The following AOPEP variants were observed in gnomAD, a reference collection of about 807,000 sequenced individuals.
The protein encoded by AOPEP is aminopeptidase O (putative).
In AOPEP, 77 loss-of-function variants were observed where a neutral mutation model predicts 98.1. That is an observed-to-expected ratio of 0.78 (90% CI 0.65 to 0.95). AOPEP has a LOEUF of 0.95. Ranked by LOEUF, AOPEP falls within the 40% of genes least tolerant of loss-of-function variation. The probability of loss-of-function intolerance (pLI) is 0.00; values close to 1 mark genes in which losing one functional copy is unlikely to be tolerated. For synonymous variants in AOPEP, 346 were observed against 365.3 expected (o/e 0.95, Z 0.60); for missense variants, 1,024 against 1,024.7 (o/e 1.00, Z 0.01).
chr9:95,007,388 T>TGG (rs5899241), intron 13 of AOPEP, among the ~76,000 whole-genome samples: 3 of 146,710 alleles, frequency 2.0e-5, no homozygotes, highest in African/African-American at 7.7e-5. Context: ...GGGGAGAAAG[T>TGG]GGGGGGGGGA....
chr9:95,100,637 A>T, the AOPEP span: 1 of 229,172 alleles, frequency 4.4e-6, no homozygotes. Flanking sequence ...TACACTAACA[A>T]TGCCTTTTTT....
At chr9:95,018,083 A>G (rs956575904) in intron 13 of AOPEP, among the ~76,000 whole-genome samples, 5 of 152,208 alleles carry the variant, frequency 3.3e-5, no homozygotes, top group African/African-American at 9.6e-5. Flanking sequence ...TGAATAACCC[A>G]TCTGTGGACA....
intron 2 of AOPEP, among the ~76,000 whole-genome samples, chr9:94,765,880 G>T (rs769251423): frequency 1.3e-5 from 2 of 152,124 alleles, no homozygotes; most frequent in Non-Finnish European, 2.9e-5. Flanking sequence ...AATGCTTCTT[G>T]CCTGTATCAT....
intron 13 of AOPEP, among the ~76,000 whole-genome samples, chr9:95,020,402 C>T (rs1450705330): frequency 1.3e-5 from 2 of 152,126 alleles, no homozygotes; most frequent in Non-Finnish European, 2.9e-5. Flanking sequence ...AGGACTTTTC[C>T]ATTTGGGCTA....
At chr9:95,121,191 C>T in the AOPEP span, among the ~76,000 whole-genome samples, 1 of 152,180 alleles carries the variant, frequency 6.6e-6, no homozygotes, top group Non-Finnish European at 1.5e-5. Context: ...ATGGCTGCAA[C>T]CAGAAACTGA....
At chr9:94,944,031 C>G (rs1564424383) in intron 7 of AOPEP, among the ~76,000 whole-genome samples, 1 of 150,622 alleles carries the variant, frequency 6.6e-6, no homozygotes, top group Non-Finnish European at 1.5e-5. Context: ...TATTGGCTAT[C>G]AGGAAATACA....
rs79735416 is a variant in AOPEP, at chr9:94,933,752, T to A, written c.1661+5221T>A. 2.4e-3 allele frequency: 2,047 copies of A among 837,292 alleles called. 38 individuals are homozygous for A. The African/African-American group carries it at 0.036, about 15-fold the overall frequency. 51.9% of individuals were successfully genotyped at this position (837,292 alleles called of 1,614,324 possible). A position where few individuals can be genotyped will look rare whatever the true frequency, so the allele number is the denominator to read the frequency against. On this transcript the variant is annotated intron_variant, in intron 7 of 16. Transcript: ENST00000375315. The stretch of plus-strand genomic sequence containing the variant: ...TTTTTTTATTTTTATTTATTTTTTT[T>A]AATTTTTTTTTTTGAGACAGAGTGT...
At chr9:94,806,582 T>A (rs1460793855) in intron 5 of AOPEP, among the ~76,000 whole-genome samples, 1 of 152,250 alleles carries the variant, frequency 6.6e-6, no homozygotes, top group Non-Finnish European at 1.5e-5. Context: ...TTCTTTGTGT[T>A]CACTTTCTCC....
chr9:95,043,399 G>C (rs2065539580), intron 13 of AOPEP, among the ~76,000 whole-genome samples: 1 of 151,964 alleles, frequency 6.6e-6, no homozygotes, highest in Non-Finnish European at 1.5e-5. Flanking sequence ...GCCAACTGCT[G>C]ACATAAAGAG....
chr9:95,086,545 A>G (rs1340611489), intron 16 of AOPEP, 137 bp from the exon 17 acceptor site: 5 of 1,008,170 alleles, frequency 5.0e-6, no homozygotes, highest in Non-Finnish European at 5.9e-6. Context: ...GGAGACTGAA[A>G]TGGGCCTGGG....
At chr9:94,880,254 T>A (rs1014262923) in intron 5 of AOPEP, among the ~76,000 whole-genome samples, 3 of 152,162 alleles carry the variant, frequency 2.0e-5, no homozygotes, top group Non-Finnish European at 4.4e-5. Flanking sequence ...CTGAAAGGAG[T>A]TCATCTAACT....
intron 11 of AOPEP, among the ~76,000 whole-genome samples, chr9:94,984,636 C>A (rs1329214246): frequency 6.6e-6 from 1 of 152,034 alleles, no homozygotes; most frequent in Non-Finnish European, 1.5e-5. Flanking sequence ...AATGTATATA[C>A]CCAATAAAAT....
chr9:95,075,960 C>G (rs1045998323), intron 14 of AOPEP, among the ~76,000 whole-genome samples: 4 of 152,244 alleles, frequency 2.6e-5, no homozygotes, highest in African/African-American at 9.6e-5. Context: ...CTCTCCCGCT[C>G]CTGCAGGCTG....
chr9:94,888,294 C>CATGTGTGT (rs369464833), intron 5 of AOPEP, among the ~76,000 whole-genome samples: 1 of 137,590 alleles, frequency 7.3e-6, no homozygotes, highest in Admixed American at 7.4e-5. Context: ...AGAACCTTAC[C>CATGTGTGT]GTGTGTGTGT....
At chr9:94,727,406 A>G (rs1487063938) in intron 1 of AOPEP, among the ~76,000 whole-genome samples, 1 of 152,260 alleles carries the variant, frequency 6.6e-6, no homozygotes, top group Non-Finnish European at 1.5e-5. Flanking sequence ...ATAGCATTGC[A>G]TAAAATGCCC....
At chr9:94,896,351 T>C (rs2049560094) in intron 5 of AOPEP, among the ~76,000 whole-genome samples, 2 of 152,234 alleles carry the variant, frequency 1.3e-5, no homozygotes, top group South Asian at 4.1e-4. Context: ...GAATTCCAAA[T>C]ACTGCATGTA....
intron 13 of AOPEP, among the ~76,000 whole-genome samples, chr9:95,006,480 G>A (rs533651329): frequency 7.9e-5 from 12 of 152,280 alleles, no homozygotes; most frequent in African/African-American, 2.9e-4. Flanking sequence ...CTTAGTATGG[G>A]CATTGCAGCG....
chr9:94,887,763 G>T (rs1343245548), intron 5 of AOPEP, among the ~76,000 whole-genome samples: 1 of 152,190 alleles, frequency 6.6e-6, no homozygotes, highest in Non-Finnish European at 1.5e-5. Context: ...AGATAGACCT[G>T]TGCACAGAGT....
intron 2 of AOPEP, among the ~76,000 whole-genome samples, chr9:94,763,972 C>T (rs1163338640): frequency 6.6e-6 from 1 of 152,154 alleles, no homozygotes; most frequent in African/African-American, 2.4e-5. Context: ...GGGCATAACT[C>T]CTCACTCCTT....
Sources: gnomAD v4.1 joint callset for allele counts (sites outside exome capture counted in the v4.1 genomes callset) on GRCh38, gnomAD v4.1.1 for gene constraint, MANE v1.5 for transcripts, NCBI Gene and HGNC (gene_info 2026-07-23, HGNC 2026-07-21) for gene names.